The following IGSF3 variants were observed in gnomAD, a reference collection of about 807,000 sequenced individuals.
IGSF3 encodes glu-Trp-Ile EWI motif-containing protein 3.
In IGSF3, 23 loss-of-function variants were observed where a neutral mutation model predicts 114.4. The observed-to-expected ratio is 0.20, with a 90% CI of 0.14 to 0.28. The LOEUF (loss-of-function observed/expected upper bound fraction) is 0.28. Ranked by LOEUF, IGSF3 falls within the 10% of genes least tolerant of loss-of-function variation. The pLI is 1.00. For missense variants in IGSF3, 1,172 were observed against 1,591.5 expected, an observed-to-expected ratio of 0.74 and a Z score of 4.48; for synonymous variants, 571 against 645.2, an observed-to-expected ratio of 0.88 and a Z score of 1.74.
chr1:116,630,588 C>A (rs1171287777), intron 2 of IGSF3, among the ~76,000 whole-genome samples: 1 of 152,104 alleles, frequency 6.6e-6, no homozygotes, highest in Non-Finnish European at 1.5e-5. Context: ...TTCATTCATT[C>A]CAAAAATATA....
rs1015761138 is a variant in IGSF3, at chr1:116,593,962, A to G, written c.2030-4858T>C. On this transcript the variant is annotated intron_variant, in intron 7 of 10. Coordinates refer to ENST00000369486, the MANE Select transcript of IGSF3 (RefSeq NM_001007237.3). This position sits in a 1 kb window ranked among gnomAD's most constrained non-coding sequence, Gnocchi z 4.5. ...CCTGTGTGACTTTCGAATGACATTCATATGGGCAAAAATTATGCCTCTGGG... is the reference window on the plus strand; with the variant it reads ...CCTGTGTGACTTTCGAATGACATTCGTATGGGCAAAAATTATGCCTCTGGG... Among the ~76,000 whole-genome samples the G allele has an allele frequency of 6.6e-5, 10 of 152,270 alleles. No individual in the cohort carries two copies. The highest frequency in any genetic ancestry group is 2.4e-4 in the African/African-American group (10 of 41,476).
At chr1:116,639,689 G>A (rs1571181963) in intron 2 of IGSF3, among the ~76,000 whole-genome samples, 1 of 152,208 alleles carries the variant, frequency 6.6e-6, no homozygotes, top group Non-Finnish European at 1.5e-5. Context: ...AGCTATAAGT[G>A]TCTGGAAAAT....
chr1:116,637,281 G>T (rs962199383), intron 2 of IGSF3, among the ~76,000 whole-genome samples: 2 of 152,162 alleles, frequency 1.3e-5, no homozygotes, highest in African/African-American at 4.8e-5. Context: ...CTGAAATTGG[G>T]CTCAGGGGTC....
rs1425177833 is a variant in IGSF3, at chr1:116,579,637, C to T, written c.3089G>A (p.Arg1030Gln). The T allele has an allele frequency of 9.3e-6, 15 of 1,613,178 alleles. No homozygotes were observed. The highest frequency in any genetic ancestry group is 4.5e-5 in the East Asian group (2 of 44,876). The change falls in exon 10 of 11, where the codon CGG becomes CAG. Residue 1030 changes from arginine to glutamine, a missense_variant. Arg to Gln is a conservative substitution (Grantham distance 43). Transcript: ENST00000369486. This position sits in a 1 kb window ranked among gnomAD's most constrained non-coding sequence, Gnocchi z 6.4. ...TGGGCCCACGCTCAGCAGGGCCGTC[C>T]GCTCTGTTGGGTCGTCGTCGTCGTC... Reference protein sequence around the residue: ...DDDDDDDPTERTALLSVGPDA... With the variant: ...DDDDDDDPTEQTALLSVGPDA...
intron 2 of IGSF3, among the ~76,000 whole-genome samples, chr1:116,656,429 T>C (rs1036328267): frequency 1.2e-4 from 18 of 150,026 alleles, no homozygotes; most frequent in Admixed American, 4.0e-4. Flanking sequence ...GCCTCCCGGG[T>C]AGCTGCAACT....
At position 116,615,513 on chromosome 1, in the gene IGSF3, C is replaced by T. The variant is rs1334597077; in HGVS notation, c.421+567G>A. ...CTGGCAAACACTATGACCAGTGCTG[C>T]CCACAATGGAAGCTCCTGCATCCCT... On this transcript the variant is annotated intron_variant, in intron 3 of 10. Coordinates refer to ENST00000369486, the MANE Select transcript of IGSF3 (RefSeq NM_001007237.3). This position sits in a 1 kb window ranked among gnomAD's most constrained non-coding sequence, Gnocchi z 4.3. Among the ~76,000 whole-genome samples, 1 of 152,204 alleles carries T rather than the reference C, an allele frequency of 6.6e-6. No individual in the cohort carries two copies. The highest frequency in any genetic ancestry group is 1.5e-5 in the Non-Finnish European group (1 of 68,042).
At position 116,588,834 on chromosome 1, in the gene IGSF3, A is replaced by G; in HGVS notation, c.2300T>C (p.Leu767Pro). The change falls in exon 8 of 11, where the codon CTC becomes CCC. Residue 767 changes from leucine (L) to proline (P), a missense_variant. Physicochemically the swap from Leu to Pro is moderately conservative, Grantham distance 98 (BLOSUM62 -3). Around this residue, in one of 3 missense-constraint regions of IGSF3, gnomAD observed 736 missense variants for 1,042.0 expected, o/e 0.71. Coordinates refer to ENST00000369486, the MANE Select transcript of IGSF3 (RefSeq NM_001007237.3). The surrounding 1 kb of genome is among the most constrained non-coding windows in gnomAD (Gnocchi z 4.9). ...GCTGACCTCGGCTCTCTGGACGGTG[A>G]GGCTGAACAGGCCCCCCGACACATG... ...ERHVSGGLFS[L>P]TVQRAEVSDS... is the part of the protein sequence containing the mutation. The G allele has an allele frequency of 6.2e-7, 1 of 1,614,188 alleles. No homozygotes were observed. The highest frequency in any genetic ancestry group is 8.5e-7 in the Non-Finnish European group (1 of 1,180,018).
intron 9 of IGSF3, among the ~76,000 whole-genome samples, chr1:116,580,481 T>C (rs1265123376): frequency 6.6e-6 from 1 of 152,196 alleles, no homozygotes; most frequent in Non-Finnish European, 1.5e-5. Flanking sequence ...TAAAGTTAAA[T>C]GAGGTCATAA....
At position 116,579,657 on chromosome 1, in the gene IGSF3, G is replaced by A. The variant is rs754648154; in HGVS notation, c.3069C>T (p.Asp1023=). ...REEEEEEDDD[D]DDDPTERTAL... is the part of the protein sequence containing the mutation. ...CCGTCCGCTCTGTTGGGTCGTCGTCGTCGTCGTCGTCCTCCTCCTCCTCCT... is the reference window on the plus strand; with the variant it reads ...CCGTCCGCTCTGTTGGGTCGTCGTCATCGTCGTCGTCCTCCTCCTCCTCCT... The change falls in exon 10 of 11, where the codon GAC becomes GAT. Residue 1023 remains aspartate (D), a synonymous_variant. Coordinates refer to ENST00000369486, the MANE Select transcript of IGSF3 (RefSeq NM_001007237.3). The surrounding 1 kb of genome is among the most constrained non-coding windows in gnomAD (Gnocchi z 6.4). The A allele has an allele frequency of 1.4e-5, 23 of 1,599,214 alleles. 1 individual carries two copies. The highest frequency in any genetic ancestry group is 1.1e-4 in the South Asian group (10 of 90,590).
Position 116,633,335 on chromosome 1 carries a change from T to G in IGSF3, c.44-16878A>C, listed in dbSNP as rs944420591. Among the ~76,000 whole-genome samples the G allele has an allele frequency of 2.0e-5, 3 of 152,138 alleles. No individual in the cohort carries two copies. The highest frequency in any genetic ancestry group is 7.2e-5 in the African/African-American group (3 of 41,408). ...AGCAGAGTTGGTTTTGGTTTGGGGG[T>G]GTTTTTTGAGTTGGGTGGAAGAAGA... is the stretch of plus-strand genomic sequence containing the variant. On this transcript the variant is annotated intron_variant, in intron 2 of 10. Transcript: ENST00000369486. This position sits in a 1 kb window ranked among gnomAD's most constrained non-coding sequence, Gnocchi z 4.3.
In IGSF3 at chr1:116,608,042, G is replaced by A. The variant is rs368510708; in HGVS notation, c.1122C>T (p.Tyr374=). Residue 374 remains tyrosine, a synonymous_variant, in exon 5 of 11, where the codon TAC becomes TAT. Transcript: ENST00000369486. ...TCTCTCGCTCAGTCACCCGGCAGTT[G>A]TATTTCCCGCTATCTTCCTGGCGGA... ...YHLRQEDSGK[Y]NCRVTEREKT... is the part of the protein sequence containing the mutation. The A allele has an allele frequency of 6.2e-7, 1 of 1,613,828 alleles. No individual in the cohort carries two copies. The highest frequency in any genetic ancestry group is 1.1e-5 in the South Asian group (1 of 91,070).
In IGSF3 at chr1:116,634,666, G is replaced by A. The variant is rs561151097; in HGVS notation, c.44-18209C>T. Among the ~76,000 whole-genome samples the A allele has an allele frequency of 1.4e-4, 22 of 152,172 alleles. No homozygotes were observed. Among genetic ancestry groups the A allele is most frequent in the South Asian group, 6.2e-4 (3 of 4,802 alleles). On this transcript the variant is annotated intron_variant, in intron 2 of 10. Coordinates refer to ENST00000369486, the MANE Select transcript of IGSF3 (RefSeq NM_001007237.3). This position sits in a 1 kb window ranked among gnomAD's most constrained non-coding sequence, Gnocchi z 4.2. ...AAGTTGGCTTGCAATGACATCTCCCGTGCCTGCTCTGCTTACCCATGGCTT... is the reference window on the plus strand; with the variant it reads ...AAGTTGGCTTGCAATGACATCTCCCATGCCTGCTCTGCTTACCCATGGCTT...
At position 116,595,359 on chromosome 1, in the gene IGSF3, G is replaced by A. The variant is rs1432693486; in HGVS notation, c.2029+4582C>T. Among the ~76,000 whole-genome samples, 8 of 152,256 alleles carry A rather than the reference G, an allele frequency of 5.3e-5. No individual in the cohort carries two copies. The Middle Eastern group carries it at 0.01, about 194-fold the overall frequency. On this transcript the variant is annotated intron_variant, in intron 7 of 10. Coordinates refer to ENST00000369486, the MANE Select transcript of IGSF3 (RefSeq NM_001007237.3). This position sits in a 1 kb window ranked among gnomAD's most constrained non-coding sequence, Gnocchi z 4.2. ...CAACAGGCAGAAGCCACCTGGGATG[G>A]AAGAAGGAGAACCCCAGACTCCCCT...
intron 2 of IGSF3, among the ~76,000 whole-genome samples, chr1:116,620,885 C>T (rs1165295584): frequency 2.0e-5 from 3 of 152,180 alleles, no homozygotes; most frequent in Non-Finnish European, 4.4e-5. Flanking sequence ...GGACCACCAG[C>T]ACACACCACC....
At chr1:116,602,523 A>G (rs568969155) in intron 6 of IGSF3, among the ~76,000 whole-genome samples, 19 of 152,366 alleles carry the variant, frequency 1.2e-4, no homozygotes, top group African/African-American at 4.1e-4. Context: ...GAGCTGTATA[A>G]TTACTGCAAA....
Position 116,577,707 on chromosome 1 carries a change from G to T in IGSF3, c.3335-145C>A. 1 of 689,260 alleles carries T rather than the reference G, an allele frequency of 1.5e-6. No homozygotes were observed. The highest frequency in any genetic ancestry group is 2.5e-6 in the Non-Finnish European group (1 of 407,074). The allele number at this position is 689,260 out of a possible 1,614,324, so 42.7% of individuals were successfully genotyped here. ...TTGTCTTTCCCCTGCTACCATTAAT[G>T]GTGGAAGATGACCCTTATATTCTTT... On this transcript the variant is annotated intron_variant, in intron 10 of 10. Coordinates refer to ENST00000369486, the MANE Select transcript of IGSF3 (RefSeq NM_001007237.3). This position sits in a 1 kb window ranked among gnomAD's most constrained non-coding sequence, Gnocchi z 5.7.
Position 116,608,098 on chromosome 1 carries a change from C to T in IGSF3, c.1066G>A (p.Asp356Asn), listed in dbSNP as rs139884186. ...RGQLKVAKES[D>N]SVFVLKIYHL... The stretch of plus-strand genomic sequence containing the variant: ...TAGATCTTCAGCACAAAGACACTGT[C>T]GCTCTCTTTGGCCACCTTAAGCTGT... Residue 356 changes from aspartate (D) to asparagine (N), a missense_variant, in exon 5 of 11, where the codon GAC (aspartate) becomes AAC (asparagine). Asp to Asn is a conservative substitution (Grantham distance 23, BLOSUM62 1). This residue lies in a region of IGSF3 where 736 missense variants were observed against 1,042.0 expected (regional missense o/e 0.71). Coordinates refer to ENST00000369486, the MANE Select transcript of IGSF3 (RefSeq NM_001007237.3). 2.7e-5 allele frequency: 43 copies of T among 1,613,814 alleles called. No homozygotes were observed. The highest frequency in any genetic ancestry group is 3.3e-5 in the Non-Finnish European group (39 of 1,179,872).
At chr1:116,653,453 T>C (rs982921532) in intron 2 of IGSF3, among the ~76,000 whole-genome samples, 1 of 152,218 alleles carries the variant, frequency 6.6e-6, no homozygotes, top group Non-Finnish European at 1.5e-5. Context: ...AATCTGGCCT[T>C]ATCTTCAAAT....
At chr1:116,663,116 A>G (rs1444778422) in intron 2 of IGSF3, among the ~76,000 whole-genome samples, 4 of 152,214 alleles carry the variant, frequency 2.6e-5, no homozygotes, top group African/African-American at 9.6e-5. Context: ...AAGCTATTTA[A>G]TCTTGTTTGC....
Sources: allele counts gnomAD v4.1 joint callset (sites outside exome capture counted in the v4.1 genomes callset), GRCh38; gene constraint gnomAD v4.1.1; regional missense constraint gnomAD v4.1.1; non-coding constraint Gnocchi (gnomAD v3.1); transcripts MANE v1.5; gene names NCBI Gene and HGNC (gene_info 2026-07-23, HGNC 2026-07-21).